The following KCNIP4 variants were observed in gnomAD, a reference collection of about 807,000 sequenced individuals.
KCNIP4 encodes the protein potassium voltage-gated channel interacting protein 4.
Under a neutral mutation model 34.0 loss-of-function variants are expected in KCNIP4, and 12 were observed. That is an observed-to-expected ratio of 0.35 (90% CI 0.23 to 0.57). KCNIP4 has a LOEUF of 0.57. KCNIP4 is among the 20% of genes least tolerant of loss of function. KCNIP4 has a pLI of 0.83. For missense variants in KCNIP4, 238 were observed against 311.7 expected (o/e 0.76, Z 1.78); for synonymous variants, 124 against 102.2 (o/e 1.21, Z -1.29).
intron 1 of KCNIP4, among the ~76,000 whole-genome samples, chr4:21,060,129 T>C (rs575882216): frequency 3.6e-4 from 55 of 152,268 alleles, no homozygotes; most frequent in South Asian, 1.5e-3. Context: ...TTGGTGTTCT[T>C]TTCTGGTATT....
intron 1 of KCNIP4, among the ~76,000 whole-genome samples, chr4:21,598,706 C>T (rs1199883694): frequency 6.6e-6 from 1 of 151,940 alleles, no homozygotes; most frequent in African/African-American, 2.4e-5. Context: ...GATTTTTAAG[C>T]TAAAAATGTT....
At chr4:21,701,877 T>C (rs1712875982) in intron 1 of KCNIP4, among the ~76,000 whole-genome samples, 1 of 152,062 alleles carries the variant, frequency 6.6e-6, no homozygotes, top group South Asian at 2.1e-4. Context: ...ATAATTTTTA[T>C]ATTTTTAGTA....
At chr4:20,827,821 A>G (rs1193565666) in intron 3 of KCNIP4, among the ~76,000 whole-genome samples, 1 of 151,966 alleles carries the variant, frequency 6.6e-6, no homozygotes, top group South Asian at 2.1e-4. Context: ...AAAAAAAAAA[A>G]AACAAAGAAA....
rs78683893 is a variant in KCNIP4 at position 21,275,986 on chromosome 4, C to T, written c.62-393277G>A. 6.7e-3 allele frequency among the ~76,000 whole-genome samples: 1,025 copies of T among 152,268 alleles called. 45 individuals are homozygous for T. In the East Asian group the frequency reaches 0.14, roughly 20 times the overall value. On this transcript the variant is annotated intron_variant, in intron 1 of 8. Coordinates refer to ENST00000382152, the MANE Select transcript of KCNIP4 (RefSeq NM_025221.6). ...GAATTGCAAAAAAAAACTCATGATGCTTTAATAAAGTTTACACATTTGTGT... is the reference window on the plus strand; with the variant it reads ...GAATTGCAAAAAAAAACTCATGATGTTTTAATAAAGTTTACACATTTGTGT...
rs567593846 is a variant in KCNIP4, at chr4:21,853,197, T to C, written c.61+95374A>G. ...TCCTGCCAGACTCATAGGGTTGTAG[T>C]GGGGAGTTCAGTAACATAAGGCAGC... On this transcript the variant is annotated intron_variant, in intron 1 of 8. Coordinates refer to ENST00000382152, the MANE Select transcript of KCNIP4 (RefSeq NM_025221.6). The C allele has an allele frequency of 3.9e-5, 6 of 152,258 alleles. No individual in the cohort carries two copies. In the South Asian group the frequency reaches 1.2e-3, roughly 32 times the overall value. The allele number at this position is 152,258 out of a possible 1,614,324, so 9.4% of individuals were successfully genotyped here.
At chr4:21,516,293 A>C (rs2109935535) in intron 1 of KCNIP4, among the ~76,000 whole-genome samples, 1 of 152,292 alleles carries the variant, frequency 6.6e-6, no homozygotes, top group Admixed American at 6.5e-5. Flanking sequence ...TATAGCCCAA[A>C]GTTGAGTCAA....
At chr4:21,721,417 A>C (rs1176897139) in intron 1 of KCNIP4, among the ~76,000 whole-genome samples, 1 of 152,214 alleles carries the variant, frequency 6.6e-6, no homozygotes, top group African/African-American at 2.4e-5. Flanking sequence ...AAGAAGAAAG[A>C]AACTTCAATT....
intron 3 of KCNIP4, among the ~76,000 whole-genome samples, chr4:20,789,587 T>C (rs958005517): frequency 6.6e-6 from 1 of 152,102 alleles, no homozygotes; most frequent in African/African-American, 2.4e-5. Context: ...GTGCCTGTCT[T>C]TGACCAATCA....
rs141376180 is a variant in KCNIP4 at position 20,881,966 on chromosome 4, T to A, written c.163+642A>T. On this transcript the variant is annotated intron_variant, in intron 2 of 8. Transcript: ENST00000382152. ...TGAATTTCAGACATGCCAGTCCCCATAATGGTGTGAGCCAATTCCTTCAAA... is the reference window on the plus strand; with the variant it reads ...TGAATTTCAGACATGCCAGTCCCCAAAATGGTGTGAGCCAATTCCTTCAAA... 9.2e-5 allele frequency among the ~76,000 whole-genome samples: 14 copies of A among 152,264 alleles called. No homozygotes were observed. In the East Asian group the frequency reaches 2.7e-3, roughly 29 times the overall value.
At chr4:20,731,251 G>T (rs1748103738) in intron 8 of KCNIP4, 1 of 315,922 alleles carries the variant, frequency 3.2e-6, no homozygotes, top group Non-Finnish European at 4.6e-6. Context: ...ATTTTTTTTT[G>T]TAGAGATAGA....
intron 1 of KCNIP4, among the ~76,000 whole-genome samples, chr4:21,187,617 A>G (rs907412221): frequency 2.6e-5 from 4 of 152,210 alleles, no homozygotes; most frequent in African/African-American, 9.6e-5. Flanking sequence ...CCTTGTCAGG[A>G]GCACATTGCC....
chr4:20,936,671 C>T (rs1206925398), intron 1 of KCNIP4, among the ~76,000 whole-genome samples: 3 of 152,130 alleles, frequency 2.0e-5, no homozygotes, highest in Admixed American at 1.3e-4. Context: ...TCCCTTCATT[C>T]TCCTGTATTA....
At position 21,572,907 on chromosome 4, in the gene KCNIP4, G is replaced by A. The variant is rs11941653; in HGVS notation, c.61+375664C>T. Among the ~76,000 whole-genome samples, 420 of 152,256 alleles carry A rather than the reference G, an allele frequency of 2.8e-3. 3 individuals carry two copies. Among genetic ancestry groups the A allele is most frequent in the African/African-American group, 9.2e-3 (384 of 41,556 alleles). ...CTCCCAAAGTGCTGGGATTATAGGC[G>A]TGAGCCATTCCACCTGGTCTCATCC... On this transcript the variant is annotated intron_variant, in intron 1 of 8. Transcript: ENST00000382152.
At chr4:21,936,331 C>T (rs1269576451) in intron 1 of KCNIP4, among the ~76,000 whole-genome samples, 4 of 152,230 alleles carry the variant, frequency 2.6e-5, no homozygotes, top group East Asian at 1.9e-4. Context: ...GCTTGGCTCT[C>T]GTTCTCTTTG....
chr4:21,098,882 G>T (rs140818514), intron 1 of KCNIP4, among the ~76,000 whole-genome samples: 2,848 of 152,196 alleles, frequency 0.019, 53 homozygotes, highest in Non-Finnish European at 0.026. Flanking sequence ...CAACATCACT[G>T]ATCATTAGAG....
intron 1 of KCNIP4, among the ~76,000 whole-genome samples, chr4:21,879,323 T>C (rs1214551140): frequency 6.6e-6 from 1 of 152,156 alleles, no homozygotes; most frequent in Non-Finnish European, 1.5e-5. Flanking sequence ...GCAAACCCCA[T>C]GAACTGGAAA....
chr4:21,051,945 G>C (rs931442021), intron 1 of KCNIP4, among the ~76,000 whole-genome samples: 1 of 152,186 alleles, frequency 6.6e-6, no homozygotes, highest in African/African-American at 2.4e-5. Context: ...ACAAGTTCAG[G>C]AGCATTTTAG....
chr4:21,411,849 A>G (rs1389985361), intron 1 of KCNIP4, among the ~76,000 whole-genome samples: 1 of 152,184 alleles, frequency 6.6e-6, no homozygotes, highest in Non-Finnish European at 1.5e-5. Context: ...AAAAAATAAA[A>G]GAAGTCAGAA....
chr4:21,615,566 A>C (rs1270493160), intron 1 of KCNIP4, among the ~76,000 whole-genome samples: 2 of 56,878 alleles, frequency 3.5e-5, no homozygotes, highest in Non-Finnish European at 6.5e-5. Context: ...AAAACAAAAC[A>C]AAAAAAAACA....
Sources: allele counts gnomAD v4.1 joint callset (sites outside exome capture counted in the v4.1 genomes callset), GRCh38; gene constraint gnomAD v4.1.1; transcripts MANE v1.5; gene names NCBI Gene and HGNC (gene_info 2026-07-23, HGNC 2026-07-21).